Variants in ZNF330 observed in about 807,000 individuals in gnomAD.
ZNF330 encodes the protein nucleolar atypical zinc finger, also known as zinc finger protein 330.
In ZNF330, 31 loss-of-function variants were observed where a neutral mutation model predicts 45.5. The ratio of observed to expected loss-of-function variants is 0.68; its 90% CI spans 0.51 to 0.92. The LOEUF (loss-of-function observed/expected upper bound fraction) is 0.92. Ranked by LOEUF, ZNF330 falls within the 40% of genes least tolerant of loss-of-function variation. ZNF330 has a pLI of 0.00. For synonymous variants in ZNF330, 138 were observed against 123.2 expected, an observed-to-expected ratio of 1.12 and a Z score of -0.79; for missense variants, 356 against 387.4, an observed-to-expected ratio of 0.92 and a Z score of 0.68.
chr4:141,222,497 A>G lies in ZNF330; in HGVS notation c.120+6A>G, dbSNP rs768417114. On this transcript the variant is annotated splice_donor_region_variant and intron_variant, in intron 2 of 9. Coordinates refer to ENST00000262990, the MANE Select transcript of ZNF330 (RefSeq NM_014487.6). ...ATCCATGTAATGCCTCAATGGTATC[A>G]GCTTTTTTTGATATCAGTTGGTAGT... 1 of 1,607,920 alleles carries G rather than the reference A, an allele frequency of 6.2e-7. No individual in the cohort carries two copies. The highest frequency in any genetic ancestry group is 2.2e-5 in the East Asian group (1 of 44,772).
rs749439567 is a variant in ZNF330, at chr4:141,230,184, G to T, written c.437G>T (p.Cys146Phe). 6.2e-7 allele frequency: 1 copy of T among 1,609,152 alleles called. No individual in the cohort carries two copies. The highest frequency in any genetic ancestry group is 1.7e-5 in the Admixed American group (1 of 59,380). ...VWDHGGRIFS[C>F]SFCHNFLCED... ...CCAATAGGAGGCAGAATATTCAGTT[G>T]TTCTTTTTGCCATAACTTTCTCTGT... Residue 146 changes from cysteine to phenylalanine, a missense_variant, in exon 7 of 10, where the codon TGT (cysteine) becomes TTT (phenylalanine). Coordinates refer to ENST00000262990, the MANE Select transcript of ZNF330 (RefSeq NM_014487.6).
At chr4:141,229,776 AT>A (rs913273036) in intron 6 of ZNF330, 79 bp downstream of exon 6, 3 of 1,561,958 alleles carry the variant, frequency 1.9e-6, no homozygotes, top group Non-Finnish European at 1.7e-6. Flanking sequence ...TGTTTTTGAG[AT>A]TTTTTTCAGG....
Position 141,224,602 on chromosome 4 carries a change from A to G in ZNF330, c.141-5A>G. The G allele has an allele frequency of 6.2e-7, 1 of 1,613,480 alleles. No individual in the cohort carries two copies. On this transcript the variant is annotated splice_polypyrimidine_tract_variant and splice_region_variant and intron_variant, in intron 3 of 9. Coordinates refer to ENST00000262990, the MANE Select transcript of ZNF330 (RefSeq NM_014487.6). ...ATAATTTAAAATTTTATTTTACATG[A>G]CAAGGCGGCAGAAGAATAGAGCATT...
intron 4 of ZNF330, among the ~76,000 whole-genome samples, chr4:141,226,415 A>C (rs974925127): frequency 6.6e-6 from 1 of 152,156 alleles, no homozygotes; most frequent in African/African-American, 2.4e-5. Context: ...CATTCCTTTA[A>C]AAATTGTTTT....
chr4:141,226,759 T>C lies in ZNF330; in HGVS notation c.212-8T>C. The C allele has an allele frequency of 6.2e-7, 1 of 1,611,628 alleles. No individual in the cohort carries two copies. Among genetic ancestry groups the C allele is most frequent in the Non-Finnish European group, 8.5e-7 (1 of 1,178,286 alleles). On this transcript the variant is annotated splice_polypyrimidine_tract_variant and splice_region_variant and intron_variant, in intron 4 of 9. Coordinates refer to ENST00000262990, the MANE Select transcript of ZNF330 (RefSeq NM_014487.6). ...AAGACTAACAGTGCAAATGTTTTTC[T>C]TCATTAGGGAAAACAAAGTGCATGA... is the stretch of plus-strand genomic sequence containing the variant.
Position 141,230,150 on chromosome 4 carries a change from T to C in ZNF330, c.419-16T>C, listed in dbSNP as rs1214958480. Reference sequence around the variant, plus strand: ...AAGTTTATCTTAATTACATTTGTGTTTTTTTAATCCAATAGGAGGCAGAAT... The same window carrying C: ...AAGTTTATCTTAATTACATTTGTGTCTTTTTAATCCAATAGGAGGCAGAAT... On this transcript the variant is annotated splice_polypyrimidine_tract_variant and intron_variant, in intron 6 of 9. Transcript: ENST00000262990. 2 of 1,549,936 alleles carry C rather than the reference T, an allele frequency of 1.3e-6. No individual in the cohort carries two copies. The highest frequency in any genetic ancestry group is 3.5e-5 in the Admixed American group (2 of 56,494).
In ZNF330 at chr4:141,233,964, C is replaced by G. The variant is rs1244377870; in HGVS notation, c.938C>G (p.Ala313Gly). 1.9e-6 allele frequency: 3 copies of G among 1,613,136 alleles called. No individual in the cohort carries two copies. The highest frequency in any genetic ancestry group is 4.5e-5 in the East Asian group (2 of 44,866). Reference protein sequence around the residue: ...NLGRTYASGYAHYEEQEN With the variant: ...NLGRTYASGYGHYEEQEN ...GGAAGGACCTATGCTAGTGGCTATG[C>G]TCACTATGAGGAACAAGAGAACTAG... Residue 313 changes from alanine (A) to glycine (G), a missense_variant, in exon 10 of 10, where the codon GCT becomes GGT. Ala to Gly is a moderately conservative substitution (Grantham distance 60). Coordinates refer to ENST00000262990, the MANE Select transcript of ZNF330 (RefSeq NM_014487.6).
intron 9 of ZNF330, 134 bp downstream of exon 9, chr4:141,232,776 G>A: frequency 2.2e-6 from 1 of 447,678 alleles, no homozygotes; most frequent in Non-Finnish European, 3.9e-6. Context: ...TTAAGCAAGT[G>A]GAATTTTACA....
At chr4:141,229,326 CT>C (rs904325160) in intron 5 of ZNF330, among the ~76,000 whole-genome samples, 3 of 151,964 alleles carry the variant, frequency 2.0e-5, no homozygotes, top group African/African-American at 4.8e-5. Flanking sequence ...TACAGTTTAC[CT>C]TTTTTTCTTT....
In ZNF330 at chr4:141,221,062, C is replaced by G. The variant is rs781295795; in HGVS notation, c.-53C>G. 1 of 152,268 alleles carries G rather than the reference C, an allele frequency of 6.6e-6. No homozygotes were observed. The highest frequency in any genetic ancestry group is 1.5e-5 in the Non-Finnish European group (1 of 68,088). The allele number at this position is 152,268 out of a possible 1,614,324, so 9.4% of individuals were successfully genotyped here. On this transcript the variant is annotated 5_prime_UTR_variant, in exon 1 of 10. Transcript: ENST00000262990. Reference sequence around the variant, plus strand: ...TGTCCCTCGGCCCCCTGAGTGAGTCCGGTCTCCCGGCGAAAGTGAGCGAGG... The same window carrying G: ...TGTCCCTCGGCCCCCTGAGTGAGTCGGGTCTCCCGGCGAAAGTGAGCGAGG...
At chr4:141,232,864 CTTAG>C (rs1382058427) in intron 9 of ZNF330, among the ~76,000 whole-genome samples, 4 of 151,898 alleles carry the variant, frequency 2.6e-5, no homozygotes, top group East Asian at 1.9e-4. Flanking sequence ...TGGTATTTGC[CTTAG>C]TTAATGACAG....
chr4:141,222,194 G>C (rs549611758), intron 1 of ZNF330, among the ~76,000 whole-genome samples, 172 bp from the exon 2 acceptor site: 1 of 152,166 alleles, frequency 6.6e-6, no homozygotes, highest in Admixed American at 6.5e-5. Flanking sequence ...GCTTCATTTG[G>C]AATAATATGT....
At chr4:141,221,702 A>C (rs991534768) in intron 1 of ZNF330, among the ~76,000 whole-genome samples, 7 of 152,222 alleles carry the variant, frequency 4.6e-5, no homozygotes, top group African/African-American at 1.7e-4. Flanking sequence ...ATTTCAACTA[A>C]ATGATGAAAA....
intron 7 of ZNF330, among the ~76,000 whole-genome samples, chr4:141,230,845 G>T (rs910250997): frequency 1.3e-5 from 2 of 152,094 alleles, no homozygotes; most frequent in Admixed American, 6.5e-5. Flanking sequence ...CAGCATTGCT[G>T]ACTGGGTAAT....
intron 9 of ZNF330, 90 bp from the exon 10 acceptor site, chr4:141,233,625 C>T (rs887181694): frequency 3.8e-5 from 55 of 1,452,218 alleles, no homozygotes; most frequent in Non-Finnish European, 4.8e-5. Context: ...ATTGAAGCAG[C>T]CAATGAAATC....
At position 141,226,852 on chromosome 4, in the gene ZNF330, C is replaced by T. The variant is rs1473170659; in HGVS notation, c.291+6C>T. 3 of 1,608,102 alleles carry T rather than the reference C, an allele frequency of 1.9e-6. No homozygotes were observed. Among genetic ancestry groups the T allele is most frequent in the Non-Finnish European group, 2.6e-6 (3 of 1,175,866 alleles). ...GTACTGGCCTTGCAATGGTGGTAAGCTTCTTATTATCTCTTAGACTAGTAC... is the reference window on the plus strand; with the variant it reads ...GTACTGGCCTTGCAATGGTGGTAAGTTTCTTATTATCTCTTAGACTAGTAC... On this transcript the variant is annotated splice_donor_region_variant and intron_variant, in intron 5 of 9. Coordinates refer to ENST00000262990, the MANE Select transcript of ZNF330 (RefSeq NM_014487.6).
chr4:141,226,905 T>C, intron 5 of ZNF330, 59 bp downstream of exon 5: 1 of 1,343,796 alleles, frequency 7.4e-7, no homozygotes, highest in Non-Finnish European at 1.0e-6. Context: ...AATGTCATTC[T>C]GATCAGTGGT....
chr4:141,222,763 A>G (rs551424101), intron 2 of ZNF330: 1 of 225,852 alleles, frequency 4.4e-6, no homozygotes, highest in Non-Finnish European at 8.8e-6. Flanking sequence ...TTCATCTTCC[A>G]GTTTCTTTAA....
chr4:141,232,465 T>C, intron 8 of ZNF330, 60 bp from the exon 9 acceptor site: 1 of 926,986 alleles, frequency 1.1e-6, no homozygotes, highest in Non-Finnish European at 1.5e-6. Context: ...CACTGAATAC[T>C]GTCTTTTTGT....
Sources: gnomAD v4.1 joint callset for allele counts (sites outside exome capture counted in the v4.1 genomes callset) on GRCh38, gnomAD v4.1.1 for gene constraint, MANE v1.5 for transcripts, NCBI Gene and HGNC (gene_info 2026-07-23, HGNC 2026-07-21) for gene names.